Variants in KLHL20 observed in about 807,000 individuals in gnomAD.
KLHL20 encodes kelch-like protein 20.
In KLHL20, 29 loss-of-function variants were observed where a neutral mutation model predicts 69.5. The ratio of observed to expected loss-of-function variants is 0.42; its 90% CI spans 0.31 to 0.57. The LOEUF is 0.57. Among genes scored for constraint, KLHL20 ranks in the 20% least tolerant of loss-of-function variants. KLHL20 has a pLI of 0.18. For missense variants in KLHL20, 419 were observed against 776.0 expected (o/e 0.54, Z 5.47); for synonymous variants, 253 against 265.2 (o/e 0.95, Z 0.45).
intron 4 of KLHL20, among the ~76,000 whole-genome samples, chr1:173,752,185 G>A (rs1217485797): frequency 1.3e-5 from 2 of 150,516 alleles, no homozygotes; most frequent in African/African-American, 2.4e-5. Context: ...GCAGTGAGCC[G>A]AGATCGTGCC....
intron 3 of KLHL20, among the ~76,000 whole-genome samples, chr1:173,745,571 G>A (rs779980899): frequency 1.3e-5 from 2 of 151,972 alleles, no homozygotes; most frequent in Non-Finnish European, 2.9e-5. Flanking sequence ...TATGAAAGCT[G>A]CCTCACTGAA....
intron 3 of KLHL20, among the ~76,000 whole-genome samples, chr1:173,751,522 C>T (rs965725360): frequency 1.9e-4 from 29 of 151,894 alleles, no homozygotes; most frequent in Non-Finnish European, 4.0e-4. Context: ...TTATTTTGAT[C>T]TTTTATTTTT....
At chr1:173,735,367 G>C (rs1057165477) in intron 3 of KLHL20, among the ~76,000 whole-genome samples, 1 of 151,712 alleles carries the variant, frequency 6.6e-6, no homozygotes, top group Non-Finnish European at 1.5e-5. Context: ...GATGGCTTGA[G>C]CCCAGGAGGT....
chr1:173,774,557 T>C, intron 9 of KLHL20, 119 bp downstream of exon 9: 1 of 1,129,916 alleles, frequency 8.9e-7, no homozygotes, highest in Non-Finnish European at 1.3e-6. Context: ...AAATGCCTGA[T>C]TTTTCCCTCC....
At chr1:173,717,160 C>G (rs1322510557) in intron 2 of KLHL20, among the ~76,000 whole-genome samples, 1 of 152,170 alleles carries the variant, frequency 6.6e-6, no homozygotes, top group Non-Finnish European at 1.5e-5. Flanking sequence ...AACATTATTG[C>G]AAAACCCACT....
intron 7 of KLHL20, among the ~76,000 whole-genome samples, chr1:173,762,842 T>G (rs1190065344): frequency 1.3e-5 from 2 of 152,100 alleles, no homozygotes; most frequent in African/African-American, 2.4e-5. Context: ...CTCTCACCAC[T>G]CCTCTTCAAC....
At chr1:173,755,634 T>C (rs1442778523) in intron 5 of KLHL20, among the ~76,000 whole-genome samples, 1 of 152,206 alleles carries the variant, frequency 6.6e-6, no homozygotes, top group Non-Finnish European at 1.5e-5. Flanking sequence ...GTAATCAAAT[T>C]GTAATTTTTA....
intron 2 of KLHL20, among the ~76,000 whole-genome samples, chr1:173,727,186 A>G (rs1672013978): frequency 6.6e-6 from 1 of 152,062 alleles, no homozygotes; most frequent in Non-Finnish European, 1.5e-5. Context: ...GCAAGAAGAG[A>G]AGTTTAGAGA....
chr1:173,748,602 A>C (rs1281133545), intron 3 of KLHL20, among the ~76,000 whole-genome samples: 1 of 152,148 alleles, frequency 6.6e-6, no homozygotes, highest in Admixed American at 6.6e-5. Context: ...TCCAAAAATA[A>C]AGATTTGCCA....
intron 2 of KLHL20, among the ~76,000 whole-genome samples, chr1:173,723,760 GA>G (rs999698322): frequency 1.3e-5 from 2 of 152,156 alleles, no homozygotes; most frequent in African/African-American, 4.8e-5. Flanking sequence ...GGTACTTTTG[GA>G]AGAATTTTCC....
intron 8 of KLHL20, 40 bp from the exon 9 acceptor site, chr1:173,774,265 T>A: frequency 6.2e-7 from 1 of 1,612,970 alleles, no homozygotes. Flanking sequence ...AGGCTTCACT[T>A]AATAAGAACA....
chr1:173,742,073 C>G, intron 3 of KLHL20: 1 of 409,064 alleles, frequency 2.4e-6, no homozygotes, highest in Non-Finnish European at 4.3e-6. Context: ...GATGACCTAA[C>G]AGAAAAATGG....
chr1:173,772,801 C>T (rs1648180506), intron 8 of KLHL20, among the ~76,000 whole-genome samples: 1 of 152,110 alleles, frequency 6.6e-6, no homozygotes, highest in South Asian at 2.1e-4. Flanking sequence ...GATCCAACTA[C>T]CAATTTGCCC....
chr1:173,738,658 G>T (rs1054745096), intron 3 of KLHL20, among the ~76,000 whole-genome samples: 1 of 152,010 alleles, frequency 6.6e-6, no homozygotes, highest in African/African-American at 2.4e-5. Context: ...TTACCTTAAG[G>T]TATGTCCCTT....
intron 3 of KLHL20, among the ~76,000 whole-genome samples, chr1:173,745,498 T>A (rs1388131688): frequency 6.6e-6 from 1 of 152,136 alleles, no homozygotes; most frequent in Non-Finnish European, 1.5e-5. Context: ...TAGTATTTTT[T>A]GTTGCTATCA....
rs530646630 is a variant in KLHL20 at position 173,764,528 on chromosome 1, G to A, written c.1152-1618G>A. Among the ~76,000 whole-genome samples, 4 of 152,254 alleles carry A rather than the reference G, an allele frequency of 2.6e-5. No homozygotes were observed. The South Asian group carries it at 8.3e-4, about 32-fold the overall frequency. Reference sequence around the variant, plus strand: ...AGAAACTGTGGTGTATATAGACGATGGAATACTATGCAGCCATAAAAAAGG... The same window carrying A: ...AGAAACTGTGGTGTATATAGACGATAGAATACTATGCAGCCATAAAAAAGG... On this transcript the variant is annotated intron_variant, in intron 7 of 11. Transcript: ENST00000209884.
intron 2 of KLHL20, among the ~76,000 whole-genome samples, chr1:173,724,123 C>A (rs762410094): frequency 8.7e-5 from 13 of 149,998 alleles, no homozygotes; most frequent in Non-Finnish European, 1.6e-4. Context: ...TCCAAAAATT[C>A]TTTTATATAT....
chr1:173,729,656 T>A (rs1004797221), intron 2 of KLHL20, among the ~76,000 whole-genome samples: 4 of 152,304 alleles, frequency 2.6e-5, no homozygotes, highest in African/African-American at 9.6e-5. Flanking sequence ...AGAAAAGGCC[T>A]GTGACAAAAT....
rs1490506297 is a variant in KLHL20, at chr1:173,715,097, T to G, written c.-42+19T>G. On this transcript the variant is annotated intron_variant, in intron 1 of 11. Coordinates refer to ENST00000209884, the MANE Select transcript of KLHL20 (RefSeq NM_014458.4). ...AGAGCCGGTAAGTGAGCCAGTCACCTTAGAGCAGGGGACAGCGGACAGCGC... is the reference window on the plus strand; with the variant it reads ...AGAGCCGGTAAGTGAGCCAGTCACCGTAGAGCAGGGGACAGCGGACAGCGC... The G allele has an allele frequency of 1.3e-5, 2 of 152,670 alleles. No homozygotes were observed. 9.5% of individuals were successfully genotyped at this position (152,670 alleles called of 1,614,324 possible).
Sources: gnomAD v4.1 joint callset for allele counts (sites outside exome capture counted in the v4.1 genomes callset) on GRCh38, gnomAD v4.1.1 for gene constraint, MANE v1.5 for transcripts, NCBI Gene and HGNC (gene_info 2026-07-23, HGNC 2026-07-21) for gene names.